HAL: variants seen among roughly 807,000 people sequenced by gnomAD.
The protein encoded by HAL is histidase.
Under a neutral mutation model 81.1 loss-of-function variants are expected in HAL, and 85 were observed. The observed-to-expected ratio is 1.05, with a 90% CI of 0.88 to 1.25. The LOEUF is 1.25. Ranked by LOEUF, HAL falls within the 50% of genes most tolerant of loss-of-function variation. HAL has a pLI of 0.00. For missense variants in HAL, 798 were observed against 836.6 expected (o/e 0.95, Z 0.57); for synonymous variants, 301 against 309.2 (o/e 0.97, Z 0.28).
chr12:95,995,006 A>C lies in HAL; in HGVS notation c.248-13T>G, dbSNP rs779576621. The C allele has an allele frequency of 6.3e-7, 1 of 1,592,772 alleles. No homozygotes were observed. Among genetic ancestry groups the C allele is most frequent in the Non-Finnish European group, 8.6e-7 (1 of 1,160,884 alleles). On this transcript the variant is annotated splice_polypyrimidine_tract_variant and intron_variant, in intron 2 of 20. Transcript: ENST00000261208. Reference sequence around the variant, plus strand: ...TCACCCTCTATAACTAAAACAATGCACGGGAGACTCGTTACAGATCACATT... The same window carrying C: ...TCACCCTCTATAACTAAAACAATGCCCGGGAGACTCGTTACAGATCACATT...
chr12:95,995,547 C>T (rs1950023299), intron 2 of HAL, 117 bp downstream of exon 2: 2 of 1,423,788 alleles, frequency 1.4e-6, no homozygotes, highest in Non-Finnish European at 2.0e-6. Flanking sequence ...TGCACAGGGC[C>T]AGCCTCGGCA....
chr12:95,987,871 G>T (rs1053742017), intron 11 of HAL, among the ~76,000 whole-genome samples: 1 of 132,926 alleles, frequency 7.5e-6, no homozygotes, highest in African/African-American at 2.8e-5. Flanking sequence ...ACCATGCCTG[G>T]CTAATTTTTG....
intron 14 of HAL, among the ~76,000 whole-genome samples, chr12:95,985,277 AAGTT>A (rs1222115279): frequency 6.6e-6 from 1 of 152,158 alleles, no homozygotes; most frequent in Non-Finnish European, 1.5e-5. Flanking sequence ...GAATTTTTAA[AAGTT>A]AGGGCACTGA....
Position 95,994,111 on chromosome 12 carries a change from T to C in HAL, c.390A>G (p.Gly130=). 1 of 1,613,522 alleles carries C rather than the reference T, an allele frequency of 6.2e-7. No individual in the cohort carries two copies. Among genetic ancestry groups the C allele is most frequent in the Non-Finnish European group, 8.5e-7 (1 of 1,179,488 alleles). Residue 130 remains glycine, a synonymous_variant, in exon 5 of 21, where the codon GGA becomes GGG. Coordinates refer to ENST00000261208, the MANE Select transcript of HAL (RefSeq NM_002108.4). The part of the protein sequence containing the change: ...RLTTEDLVNL[G]KGRYKIKLTP... ...ATACCTTTATTTTGTAGCGTCCCTT[T>C]CCCAAGTTGACCAGATCCTCCGTGG...
chr12:95,995,993 T>G lies in HAL; in HGVS notation c.-81-2A>C, dbSNP rs1232237097. 7.1e-7 allele frequency: 1 copy of G among 1,411,726 alleles called. No individual in the cohort carries two copies. Among genetic ancestry groups the G allele is most frequent in the East Asian group, 2.3e-5 (1 of 43,306 alleles). 87.4% of individuals were successfully genotyped at this position (1,411,726 alleles called of 1,614,324 possible). On this transcript the variant is annotated splice_acceptor_variant, in intron 1 of 20. Coordinates refer to ENST00000261208, the MANE Select transcript of HAL (RefSeq NM_002108.4). LOFTEE classifies it low-confidence loss of function (5UTR_SPLICE). The stretch of plus-strand genomic sequence containing the variant: ...GAGTGGCTACCGGGGTGTGGTCAGC[T>G]GGAAGGATGAGAATAGACTTTCAAA...
intron 18 of HAL, 26 bp downstream of exon 18, chr12:95,977,918 C>T (rs146856294): frequency 1.1e-5 from 18 of 1,613,338 alleles, no homozygotes; most frequent in Admixed American, 6.7e-5. Flanking sequence ...CAGGCAGGCC[C>T]GCCACCCCGA....
rs767921453 is a variant in HAL at position 95,995,656 on chromosome 12, C to T, written c.247+8G>A. 2 of 1,613,144 alleles carry T rather than the reference C, an allele frequency of 1.2e-6. No homozygotes were observed. Among genetic ancestry groups the T allele is most frequent in the Admixed American group, 1.7e-5 (1 of 60,034 alleles). Reference sequence around the variant, plus strand: ...ACCCGTTCGCGGCCCTCTCCTGCAGCCACTCACCCACTTCCACGAACTCGT... The same window carrying T: ...ACCCGTTCGCGGCCCTCTCCTGCAGTCACTCACCCACTTCCACGAACTCGT... On this transcript the variant is annotated splice_region_variant and intron_variant, in intron 2 of 20. Coordinates refer to ENST00000261208, the MANE Select transcript of HAL (RefSeq NM_002108.4).
chr12:95,993,423 C>T (rs1283031238), intron 8 of HAL, 28 bp downstream of exon 8: 2 of 1,467,546 alleles, frequency 1.4e-6, no homozygotes, highest in East Asian at 4.5e-5. Flanking sequence ...CACACAAGAT[C>T]CAGGAGGCAC....
chr12:95,973,651 C>T lies in HAL; in HGVS notation c.*581G>A, dbSNP rs1411649400. On this transcript the variant is annotated 3_prime_UTR_variant, in exon 21 of 21. Coordinates refer to ENST00000261208, the MANE Select transcript of HAL (RefSeq NM_002108.4). The stretch of plus-strand genomic sequence containing the variant: ...TTTTAATCACCTCTACAATTAATAG[C>T]TGAAGACCCTATTGACTACTCTTTA... The T allele has an allele frequency of 1.3e-5, 2 of 154,188 alleles. No homozygotes were observed. The highest frequency in any genetic ancestry group is 4.8e-5 in the African/African-American group (2 of 41,402). The allele number at this position is 154,188 out of a possible 1,614,324, so 9.6% of individuals were successfully genotyped here.
intron 4 of HAL, among the ~76,000 whole-genome samples, chr12:95,994,389 TG>T (rs926807900): frequency 4.6e-5 from 7 of 152,182 alleles, no homozygotes; most frequent in Non-Finnish European, 2.9e-5. Context: ...GATAAAGCCC[TG>T]TGGTTGGTTG....
rs139050720 is a variant in HAL, at chr12:95,990,876, G to A, written c.716-344C>T. Among the ~76,000 whole-genome samples, 527 of 152,258 alleles carry A rather than the reference G, an allele frequency of 3.5e-3. 4 individuals carry two copies. Among genetic ancestry groups the A allele is most frequent in the African/African-American group, 0.012 (499 of 41,540 alleles). On this transcript the variant is annotated intron_variant, in intron 9 of 20. Transcript: ENST00000261208. ...TGTAATCCCAGCACTTTGGGAGGCC[G>A]AGGCGGGCATATCACTTGAGCCCAG...
At chr12:95,980,322 A>G (rs908128128) in intron 17 of HAL, among the ~76,000 whole-genome samples, 1 of 152,254 alleles carries the variant, frequency 6.6e-6, no homozygotes, top group African/African-American at 2.4e-5. Context: ...TGTCCATTAC[A>G]GCCTTATTAT....
At position 95,976,600 on chromosome 12, in the gene HAL, T is replaced by C; in HGVS notation, c.1761A>G (p.Val587=). The change falls in exon 19 of 21, where the codon GTA becomes GTG. Residue 587 remains valine (V), a splice_region_variant and synonymous_variant. Coordinates refer to ENST00000261208, the MANE Select transcript of HAL (RefSeq NM_002108.4). ...TTCAGAGACCTGTTTGATCTTACCT[T>C]ACAACAGAGCGCACCAGGTCATAGA... ...EKVYDLVRSV[V]RPWIKDRFMA... 6.2e-7 allele frequency: 1 copy of C among 1,605,188 alleles called. No individual in the cohort carries two copies. The highest frequency in any genetic ancestry group is 8.5e-7 in the Non-Finnish European group (1 of 1,171,832).
rs745343950 is a variant in HAL, at chr12:95,995,676, ACTCGTTGTT to A, written c.226_234del (p.Asn76_Glu78del). On this transcript the variant is annotated inframe_deletion, in exon 2 of 21. Coordinates refer to ENST00000261208, the MANE Select transcript of HAL (RefSeq NM_002108.4). ...TGCAGCCACTCACCCACTTCCACGA[ACTCGTTGTT>A]CTCTAGGGCCACCTCGAGCCGGTCC... is the stretch of plus-strand genomic sequence containing the variant. 14 of 1,612,844 alleles carry A rather than the reference ACTCGTTGTT, an allele frequency of 8.7e-6. No individual in the cohort carries two copies. The African/African-American group carries it at 9.4e-5, about 11-fold the overall frequency.
chr12:95,972,870 C>T lies in HAL; in HGVS notation c.*1362G>A, dbSNP rs569520835. The stretch of plus-strand genomic sequence containing the variant: ...GGGGGTTACTGGCTCAATGGCAGCC[C>T]ACGGATGACAATGCACAAACCTCAT... On this transcript the variant is annotated 3_prime_UTR_variant, in exon 21 of 21. Transcript: ENST00000261208. 25 of 152,288 alleles carry T rather than the reference C, an allele frequency of 1.6e-4. No individual in the cohort carries two copies. The highest frequency in any genetic ancestry group is 6.0e-4 in the African/African-American group (25 of 41,544). The allele number at this position is 152,288 out of a possible 1,614,324, so 9.4% of individuals were successfully genotyped here. A position where few individuals can be genotyped will look rare whatever the true frequency, so the allele number is the denominator to read the frequency against.
intron 10 of HAL, 64 bp downstream of exon 10, chr12:95,990,329 T>C (rs1025642826): frequency 1.5e-6 from 2 of 1,339,192 alleles, no homozygotes; most frequent in African/African-American, 1.4e-5. Context: ...ATACGAAGCA[T>C]GCAAGCACAG....
chr12:95,987,362 A>G (rs1349156151), intron 11 of HAL, 148 bp from the exon 12 acceptor site: 5 of 708,968 alleles, frequency 7.1e-6, no homozygotes, highest in African/African-American at 1.8e-5. Context: ...AGTGCGGGAC[A>G]GTAATGTTTA....
intron 8 of HAL, among the ~76,000 whole-genome samples, chr12:95,993,071 T>C (rs1341541605): frequency 6.6e-6 from 1 of 152,188 alleles, no homozygotes; most frequent in East Asian, 1.9e-4. Flanking sequence ...CCCACTCACC[T>C]TTAGAATAGC....
At position 95,974,347 on chromosome 12, in the gene HAL, A is replaced by T. The variant is rs904292772; in HGVS notation, c.1859T>A (p.Ile620Asn). ...QKVWEVAAPY[I>N]EKYRMEHIPE... ...AATATGCTCCATTCTGTATTTTTCA[A>T]TGTATGGAGCAGCTACTTCCCAAAC... The change falls in exon 21 of 21, where the codon ATT becomes AAT. Residue 620 changes from isoleucine to asparagine, a missense_variant. Ile to Asn is a moderately radical substitution (Grantham distance 149). Transcript: ENST00000261208. The T allele has an allele frequency of 1.2e-6, 2 of 1,613,040 alleles. No homozygotes were observed. Among genetic ancestry groups the T allele is most frequent in the Admixed American group, 1.7e-5 (1 of 60,026 alleles).
Sources: gnomAD v4.1 joint callset for allele counts (sites outside exome capture counted in the v4.1 genomes callset) on GRCh38, gnomAD v4.1.1 for gene constraint, MANE v1.5 for transcripts, NCBI Gene and HGNC (gene_info 2026-07-23, HGNC 2026-07-21) for gene names.